The following ASIC4 variants were observed in gnomAD, a reference collection of about 807,000 sequenced individuals.
ASIC4 encodes the protein acid sensing ion channel subunit family member 4.
In ASIC4, 28 loss-of-function variants were observed where a neutral mutation model predicts 53.4. That is an observed-to-expected ratio of 0.52 (90% CI 0.39 to 0.72). The LOEUF is 0.72. Among genes scored for constraint, ASIC4 ranks in the 30% least tolerant of loss-of-function variants. ASIC4 has a pLI of 0.00. For synonymous variants in ASIC4, 289 were observed against 301.4 expected, an observed-to-expected ratio of 0.96 and a Z score of 0.43; for missense variants, 649 against 729.7, an observed-to-expected ratio of 0.89 and a Z score of 1.27.
upstream of ASIC4, among the ~76,000 whole-genome samples, chr2:219,510,892 C>T (rs1053745719): frequency 6.6e-6 from 1 of 152,000 alleles, no homozygotes; most frequent in Non-Finnish European, 1.5e-5. The surrounding 1 kb of genome is among the most constrained non-coding windows in gnomAD (Gnocchi z 5.2). Flanking sequence ...TCGTCCGCGG[C>T]ATAAATAACC....
In ASIC4 at chr2:219,537,644, C is replaced by A. The variant is rs771596337; in HGVS notation, c.1414C>A (p.Arg472=). 4 of 1,612,710 alleles carry A rather than the reference C, an allele frequency of 2.5e-6. No homozygotes were observed. The East Asian group carries it at 6.7e-5, about 27-fold the overall frequency. The part of the protein sequence containing the change: ...LDYIYEVSWD[R]LKRVWRRPKT... ...CCTGAACCCCAAGGTGTCCTGGGAT[C>A]GACTGAAGCGGGTATGGAGGCGTCC... The change falls in exon 9 of 10, where the codon CGA becomes AGA. Residue 472 remains arginine (R), a synonymous_variant. Transcript: ENST00000358078. The surrounding 1 kb of genome is among the most constrained non-coding windows in gnomAD (Gnocchi z 4.9).
At chr2:219,526,520 T>A (rs1694964300) in intron 1 of ASIC4, among the ~76,000 whole-genome samples, 1 of 151,990 alleles carries the variant, frequency 6.6e-6, no homozygotes, top group African/African-American at 2.4e-5. Flanking sequence ...GCCAAGGGGA[T>A]GGACAGGTCA....
rs1455963430 is a variant in ASIC4, at chr2:219,537,463, G to A, written c.1401+142G>A. The A allele has an allele frequency of 3.9e-5, 45 of 1,143,718 alleles. No individual in the cohort carries two copies. Among genetic ancestry groups the A allele is most frequent in the Non-Finnish European group, 5.5e-5 (44 of 794,932 alleles). The allele number at this position is 1,143,718 out of a possible 1,614,324, so 70.8% of individuals were successfully genotyped here. ...CCAGGGTCCCCTGACTGGCTGGCAG[G>A]CCTGAGGGCTCAGAGTCAGGAGAAG... On this transcript the variant is annotated intron_variant, in intron 8 of 9. Transcript: ENST00000358078. The surrounding 1 kb of genome is among the most constrained non-coding windows in gnomAD (Gnocchi z 4.9).
In ASIC4 at chr2:219,533,358, C is replaced by T. The variant is rs560953150; in HGVS notation, c.1075+419C>T. The T allele has an allele frequency of 4.1e-5, 11 of 270,630 alleles. No homozygotes were observed. The East Asian group carries it at 8.6e-4, about 21-fold the overall frequency. The allele number at this position is 270,630 out of a possible 1,614,324, so 16.8% of individuals were successfully genotyped here. On this transcript the variant is annotated intron_variant, in intron 5 of 9. Transcript: ENST00000358078. The stretch of plus-strand genomic sequence containing the variant: ...CAGTTCATCCATCTATCCATCCATT[C>T]ATCGATTCGCGCATTCTCCAGACCT...
chr2:219,514,222 G>T, upstream of ASIC4: 1 of 1,212,894 alleles, frequency 8.2e-7, no homozygotes, highest in Non-Finnish European at 1.1e-6. Context: ...CCCCAGTCTT[G>T]GGATCTCTGT....
rs138165364 is a variant in ASIC4 at position 219,515,901 on chromosome 2, AC to A, written c.582+596del. Among the ~76,000 whole-genome samples the A allele has an allele frequency of 5.9e-3, 890 of 152,044 alleles. 15 individuals are homozygous for A. The highest frequency in any genetic ancestry group is 0.055 in the East Asian group (283 of 5,146). ...ATGCCTGCCTCACAGACTCCCTCAC[AC>A]ATCCCTCTTTCATTCTGCCCTCCAG... On this transcript the variant is annotated intron_variant, in intron 1 of 9. Transcript: ENST00000358078.
chr2:219,531,834 T>G lies in ASIC4; in HGVS notation c.659T>G (p.Met220Arg). 3.1e-6 allele frequency: 5 copies of G among 1,613,762 alleles called. No individual in the cohort carries two copies. The highest frequency in any genetic ancestry group is 4.2e-6 in the Non-Finnish European group (5 of 1,179,846). ...TCGCTGCCCAGCCGGGCAGGGGGCA[T>G]GGGCAGTGGCCTGGAGATCATGCTG... ...RSSLPSRAGG[M>R]GSGLEIMLDI... is the part of the protein sequence containing the mutation. The change falls in exon 2 of 10, where the codon ATG (methionine) becomes AGG (arginine). Residue 220 changes from methionine to arginine, a missense_variant. By Grantham distance (91) the Met-to-Arg change is moderately conservative. Coordinates refer to ENST00000358078, the MANE Select transcript of ASIC4 (RefSeq NM_018674.6).
rs1212227460 is a variant in ASIC4, at chr2:219,536,603, T to G, written c.1230-463T>G. ...CGTCCAGTGACAGGACGTGGGGCGGTGGGGTGGTGTGGCGGGGAGCCTGAG... is the reference window on the plus strand; with the variant it reads ...CGTCCAGTGACAGGACGTGGGGCGGGGGGGTGGTGTGGCGGGGAGCCTGAG... On this transcript the variant is annotated intron_variant, in intron 6 of 9. Transcript: ENST00000358078. This position sits in a 1 kb window ranked among gnomAD's most constrained non-coding sequence, Gnocchi z 4.6. Among the ~76,000 whole-genome samples, 14 of 126,148 alleles carry G rather than the reference T, an allele frequency of 1.1e-4. No homozygotes were observed. The highest frequency in any genetic ancestry group is 2.6e-4 in the South Asian group (1 of 3,824). 82.8% of individuals were successfully genotyped at this position (126,148 alleles called of 152,430 possible).
intron 1 of ASIC4, among the ~76,000 whole-genome samples, chr2:219,521,078 C>G (rs1438248117): frequency 1.3e-5 from 2 of 152,232 alleles, no homozygotes; most frequent in Non-Finnish European, 2.9e-5. Flanking sequence ...AGCTGCGGCT[C>G]AGACCCTCCT....
rs376639151 is a variant in ASIC4 at position 219,536,499 on chromosome 2, G to A, written c.1230-567G>A. Among the ~76,000 whole-genome samples, 74 of 152,348 alleles carry A rather than the reference G, an allele frequency of 4.9e-4. No individual in the cohort carries two copies. The highest frequency in any genetic ancestry group is 3.4e-3 in the Middle Eastern group (1 of 294). On this transcript the variant is annotated intron_variant, in intron 6 of 9. Transcript: ENST00000358078. The surrounding 1 kb of genome is among the most constrained non-coding windows in gnomAD (Gnocchi z 4.6). Reference sequence around the variant, plus strand: ...TAGGACTGATTCTCAGGCCCCAGTCGGGGAGTGAAGCTGGGGAGGCGTGAG... The same window carrying A: ...TAGGACTGATTCTCAGGCCCCAGTCAGGGAGTGAAGCTGGGGAGGCGTGAG...
chr2:219,507,286 A>G, the ASIC4 span, among the ~76,000 whole-genome samples: 9 of 152,098 alleles, frequency 5.9e-5, no homozygotes, highest in Non-Finnish European at 1.3e-4. Context: ...TCCGAAGGGA[A>G]GGGTGAAGGA....
upstream of ASIC4, among the ~76,000 whole-genome samples, chr2:219,513,478 C>G (rs1694728110): frequency 6.6e-6 from 1 of 152,154 alleles, no homozygotes; most frequent in African/African-American, 2.4e-5. Flanking sequence ...AGGCACCCCT[C>G]AAACCCCTTT....
rs967084141 is a variant in ASIC4, at chr2:219,516,417, A to T, written c.582+1111A>T. On this transcript the variant is annotated intron_variant, in intron 1 of 9. Coordinates refer to ENST00000358078, the MANE Select transcript of ASIC4 (RefSeq NM_018674.6). This position sits in a 1 kb window ranked among gnomAD's most constrained non-coding sequence, Gnocchi z 4.9. Reference sequence around the variant, plus strand: ...CTGCTCTGCCATGCACGCCTCCCACAGTCAGGTATGTGAGGGGGTGGGCGT... The same window carrying T: ...CTGCTCTGCCATGCACGCCTCCCACTGTCAGGTATGTGAGGGGGTGGGCGT... Among the ~76,000 whole-genome samples, 10 of 151,836 alleles carry T rather than the reference A, an allele frequency of 6.6e-5. No homozygotes were observed. The highest frequency in any genetic ancestry group is 3.3e-4 in the Admixed American group (5 of 15,212).
chr2:219,508,552 TG>T, the ASIC4 span, among the ~76,000 whole-genome samples: 305 of 150,506 alleles, frequency 2.0e-3, 2 homozygotes, highest in East Asian at 0.024. Context: ...TCACCATTGT[TG>T]GGGGGGGTCT....
chr2:219,531,434 G>A (rs551387917), intron 1 of ASIC4, among the ~76,000 whole-genome samples: 2 of 152,302 alleles, frequency 1.3e-5, no homozygotes, highest in African/African-American at 4.8e-5. Flanking sequence ...TGATGGAAGG[G>A]GAGATTTCAG....
At chr2:219,522,674 C>A (rs1018898673) in intron 1 of ASIC4, among the ~76,000 whole-genome samples, 4 of 152,064 alleles carry the variant, frequency 2.6e-5, no homozygotes, top group East Asian at 1.9e-4. Flanking sequence ...CCGCTTCAGG[C>A]CCGCCAGCCA....
At position 219,532,674 on chromosome 2, in the gene ASIC4, G is replaced by T. The variant is rs1559119416; in HGVS notation, c.1018+197G>T. The stretch of plus-strand genomic sequence containing the variant: ...CATGTGGGAATGCCGGCATGCAGAT[G>T]CCTGTGTGCATGTTAATATGTATTT... On this transcript the variant is annotated intron_variant, in intron 4 of 9. Transcript: ENST00000358078. 5 of 845,632 alleles carry T rather than the reference G, an allele frequency of 5.9e-6. No individual in the cohort carries two copies. In the African/African-American group the frequency reaches 8.6e-5, roughly 14 times the overall value. The allele number at this position is 845,632 out of a possible 1,614,324, so 52.4% of individuals were successfully genotyped here.
Position 219,514,971 on chromosome 2 carries a change from T to C in ASIC4, c.247T>C (p.Tyr83His). Residue 83 changes from tyrosine (Y) to histidine (H), a missense_variant, in exon 1 of 10, where the codon TAC becomes CAC. Transcript: ENST00000358078. ...ACTCACCTCGCTGGCTGCCTTCCTG[T>C]ACCAGGCGGCTGGCCTGGCCCGGGG... ...ALLTSLAAFL[Y>H]QAAGLARGYL... is the part of the protein sequence containing the mutation. 3 of 1,613,202 alleles carry C rather than the reference T, an allele frequency of 1.9e-6. No homozygotes were observed. Among genetic ancestry groups the C allele is most frequent in the Non-Finnish European group, 2.5e-6 (3 of 1,179,836 alleles).
At chr2:219,522,947 G>A (rs1694911273) in intron 1 of ASIC4, among the ~76,000 whole-genome samples, 1 of 152,168 alleles carries the variant, frequency 6.6e-6, no homozygotes, top group African/African-American at 2.4e-5. Context: ...GGGAGCGGAG[G>A]GCGGCGAGGC....
Sources: gnomAD v4.1 joint callset for allele counts (sites outside exome capture counted in the v4.1 genomes callset) on GRCh38, gnomAD v4.1.1 for gene constraint, Gnocchi (gnomAD v3.1) non-coding constraint, MANE v1.5 for transcripts, NCBI Gene and HGNC (gene_info 2026-07-23, HGNC 2026-07-21) for gene names.